The following TTF2 variants were observed in gnomAD, a reference collection of about 807,000 sequenced individuals.
TTF2 encodes RNA polymerase II termination factor.
A neutral mutation model predicts 142.4 loss-of-function variants in TTF2; 108 were observed. That is an observed-to-expected ratio of 0.76 (90% CI 0.65 to 0.89). The LOEUF is 0.89. Among genes scored for constraint, TTF2 ranks in the 40% least tolerant of loss-of-function variants. TTF2 has a pLI of 0.00. For synonymous variants in TTF2, 483 were observed against 506.2 expected (o/e 0.95, Z 0.61); for missense variants, 1,327 against 1,379.8 (o/e 0.96, Z 0.61).
At position 117,079,498 on chromosome 1, in the gene TTF2, C is replaced by T. The variant is rs766875975; in HGVS notation, c.1702-70C>T. 1.1e-4 allele frequency: 150 copies of T among 1,424,936 alleles called. No homozygotes were observed. The highest frequency in any genetic ancestry group is 1.5e-4 in the Admixed American group (9 of 59,494). The allele number at this position is 1,424,936 out of a possible 1,614,324, so 88.3% of individuals were successfully genotyped here. A position where few individuals can be genotyped will look rare whatever the true frequency, so the allele number is the denominator to read the frequency against. ...GTAGAAAATAGGAGAGTGTAGAGTT[C>T]GTGTAGCCAGGCTCGGCATAGCCTC... On this transcript the variant is annotated intron_variant, in intron 8 of 22. Coordinates refer to ENST00000369466, the MANE Select transcript of TTF2 (RefSeq NM_003594.4). This position sits in a 1 kb window ranked among gnomAD's most constrained non-coding sequence, Gnocchi z 4.2.
rs940789419 is a variant in TTF2, at chr1:117,073,020, G to A, written c.219-641G>A. ...TTGTTTAAATCAGGATCCAAATAAG[G>A]TTCACAAATTGGAATTGATTAATAT... On this transcript the variant is annotated intron_variant, in intron 3 of 22. Transcript: ENST00000369466. This position sits in a 1 kb window ranked among gnomAD's most constrained non-coding sequence, Gnocchi z 4.4. 3.9e-5 allele frequency among the ~76,000 whole-genome samples: 6 copies of A among 152,132 alleles called. No individual in the cohort carries two copies. Among genetic ancestry groups the A allele is most frequent in the Non-Finnish European group, 8.8e-5 (6 of 68,004 alleles).
chr1:117,069,083 T>C (rs965176406), intron 3 of TTF2, among the ~76,000 whole-genome samples: 14 of 152,254 alleles, frequency 9.2e-5, no homozygotes, highest in Admixed American at 2.6e-4. Flanking sequence ...ATCTGTTTTT[T>C]TTCCTAGAAC....
At chr1:117,062,361 G>T in intron 2 of TTF2, 26 bp from the exon 3 acceptor site, 1 of 1,606,076 alleles carries the variant, frequency 6.2e-7, no homozygotes, top group Non-Finnish European at 8.5e-7. Flanking sequence ...ACCTAAAAAT[G>T]TTTTCAACTT....
In TTF2 at chr1:117,075,365, C is replaced by A. The variant is rs200709421; in HGVS notation, c.781C>A (p.Leu261Ile). 2.5e-5 allele frequency: 41 copies of A among 1,614,082 alleles called. No individual in the cohort carries two copies. The highest frequency in any genetic ancestry group is 6.7e-5 in the Admixed American group (4 of 60,008). The change falls in exon 5 of 23, where the codon CTT becomes ATT. Residue 261 changes from leucine to isoleucine, a missense_variant. Physicochemically the swap from Leu to Ile is conservative, Grantham distance 5. Coordinates refer to ENST00000369466, the MANE Select transcript of TTF2 (RefSeq NM_003594.4). This position sits in a 1 kb window ranked among gnomAD's most constrained non-coding sequence, Gnocchi z 4.5. The stretch of plus-strand genomic sequence containing the variant: ...ACCTCTGAGAGAAAAGGTTACCCAG[C>A]TTTTGCCTCAAAATGTTCACAGTCA... Reference protein sequence around the residue: ...SEPLREKVTQLLPQNVHSHNS... With the variant: ...SEPLREKVTQILPQNVHSHNS...
At chr1:117,083,456 CTTAATT>C (rs1647715643) in intron 10 of TTF2, among the ~76,000 whole-genome samples, 1 of 152,094 alleles carries the variant, frequency 6.6e-6, no homozygotes, top group African/African-American at 2.4e-5. Flanking sequence ...GGTTTCTGTA[CTTAATT>C]TTAAGGTAGA....
At position 117,084,091 on chromosome 1, in the gene TTF2, G is replaced by A; in HGVS notation, c.1977G>A (p.Glu659=). 6.2e-7 allele frequency: 1 copy of A among 1,614,172 alleles called. No homozygotes were observed. The change falls in exon 11 of 23, where the codon GAG becomes GAA. Residue 659 remains glutamate, a synonymous_variant. Coordinates refer to ENST00000369466, the MANE Select transcript of TTF2 (RefSeq NM_003594.4). Reference sequence around the variant, plus strand: ...CCCTGATCCATCATTGGAAAAATGAGGTGGAGAAACGGGTGAACAGCAACA... The same window carrying A: ...CCCTGATCCATCATTGGAAAAATGAAGTGGAGAAACGGGTGAACAGCAACA... The part of the protein sequence containing the change: ...PASLIHHWKN[E]VEKRVNSNKL...
intron 3 of TTF2, among the ~76,000 whole-genome samples, chr1:117,072,692 G>C (rs1656694892): frequency 6.6e-6 from 1 of 151,908 alleles, no homozygotes; most frequent in Admixed American, 6.6e-5. Context: ...CGAAGTGCTG[G>C]GATTACAGGT....
In TTF2 at chr1:117,075,330, G is replaced by T; in HGVS notation, c.746G>T (p.Arg249Ile). ...KSSGKSQDVQ[R>I]ESEPLREKVT... ...AGTGGTAAGAGTCAAGATGTCCAAA[G>T]AGAATCAGAACCTCTGAGAGAAAAG... Residue 249 changes from arginine (R) to isoleucine (I), a missense_variant, in exon 5 of 23, where the codon AGA (arginine) becomes ATA (isoleucine). Coordinates refer to ENST00000369466, the MANE Select transcript of TTF2 (RefSeq NM_003594.4). The surrounding 1 kb of genome is among the most constrained non-coding windows in gnomAD (Gnocchi z 4.5). The T allele has an allele frequency of 6.2e-7, 1 of 1,614,180 alleles. No homozygotes were observed. The highest frequency in any genetic ancestry group is 8.5e-7 in the Non-Finnish European group (1 of 1,180,036).
intron 13 of TTF2, 69 bp from the exon 14 acceptor site, chr1:117,089,986 T>C (rs896831260): frequency 6.6e-6 from 10 of 1,514,210 alleles, no homozygotes; most frequent in Admixed American, 4.2e-5. Flanking sequence ...ATATCTTACT[T>C]TGAACCTTTA....
chr1:117,095,210 C>A, intron 18 of TTF2, 99 bp from the exon 19 acceptor site: 2 of 1,108,852 alleles, frequency 1.8e-6, no homozygotes. Flanking sequence ...GAGGCCAGAG[C>A]ACAGACGCCA....
intron 16 of TTF2, 70 bp from the exon 17 acceptor site, chr1:117,091,747 G>T: frequency 6.4e-7 from 1 of 1,556,818 alleles, no homozygotes. Flanking sequence ...GCCCCATGTA[G>T]TTCCTGGCTC....
At chr1:117,098,023 T>C (rs952906482) in intron 21 of TTF2, among the ~76,000 whole-genome samples, 4 of 152,206 alleles carry the variant, frequency 2.6e-5, no homozygotes, top group African/African-American at 4.8e-5. Flanking sequence ...TTTCCAGTTA[T>C]GCCAATCAAG....
At position 117,080,415 on chromosome 1, in the gene TTF2, G is replaced by A. The variant is rs549288773; in HGVS notation, c.1783+766G>A. Among the ~76,000 whole-genome samples, 1 of 152,266 alleles carries A rather than the reference G, an allele frequency of 6.6e-6. No homozygotes were observed. Among genetic ancestry groups the A allele is most frequent in the South Asian group, 2.1e-4 (1 of 4,818 alleles). Reference sequence around the variant, plus strand: ...GTTGTTTCTATAGCCACTGTTTCCTGCAGAAAGGATTTCATAGGGAGTCTC... The same window carrying A: ...GTTGTTTCTATAGCCACTGTTTCCTACAGAAAGGATTTCATAGGGAGTCTC... On this transcript the variant is annotated intron_variant, in intron 9 of 22. Coordinates refer to ENST00000369466, the MANE Select transcript of TTF2 (RefSeq NM_003594.4). The surrounding 1 kb of genome is among the most constrained non-coding windows in gnomAD (Gnocchi z 4.3).
chr1:117,094,498 G>A (rs1391509341), intron 18 of TTF2: 8 of 428,862 alleles, frequency 1.9e-5, no homozygotes, highest in South Asian at 1.4e-4. Context: ...GGACTCAAGT[G>A]CACCCTAAGG....
rs2101228928 is a variant in TTF2, at chr1:117,097,855, A to G, written c.3269+422A>G. Among the ~76,000 whole-genome samples the G allele has an allele frequency of 6.6e-6, 1 of 152,340 alleles. No individual in the cohort carries two copies. The highest frequency in any genetic ancestry group is 2.1e-4 in the South Asian group (1 of 4,826). ...TACTCCAAAAAGAAAAGGAATAGGGATTTTCTAATTATGTTAGAAATACAC... is the reference window on the plus strand; with the variant it reads ...TACTCCAAAAAGAAAAGGAATAGGGGTTTTCTAATTATGTTAGAAATACAC... On this transcript the variant is annotated intron_variant, in intron 21 of 22. Transcript: ENST00000369466. The surrounding 1 kb of genome is among the most constrained non-coding windows in gnomAD (Gnocchi z 4.1).
rs900229885 is a variant in TTF2, at chr1:117,063,223, G to A, written c.218+750G>A. ...CCACCTACAATTTTTATATACCTGA[G>A]TACTGTTCATACTTCTATTTTTCTT... On this transcript the variant is annotated intron_variant, in intron 3 of 22. Transcript: ENST00000369466. The surrounding 1 kb of genome is among the most constrained non-coding windows in gnomAD (Gnocchi z 4.1). 6.6e-6 allele frequency among the ~76,000 whole-genome samples: 1 copy of A among 152,064 alleles called. No homozygotes were observed. The highest frequency in any genetic ancestry group is 1.5e-5 in the Non-Finnish European group (1 of 68,004).
At position 117,090,171 on chromosome 1, in the gene TTF2, G is replaced by A; in HGVS notation, c.2459G>A (p.Arg820Lys). 1.2e-6 allele frequency: 2 copies of A among 1,614,104 alleles called. No individual in the cohort carries two copies. Among genetic ancestry groups the A allele is most frequent in the Non-Finnish European group, 1.7e-6 (2 of 1,179,992 alleles). The change falls in exon 14 of 23, where the codon AGA becomes AAA. Residue 820 changes from arginine (R) to lysine (K), a missense_variant. Arg to Lys is a conservative substitution (Grantham distance 26). Coordinates refer to ENST00000369466, the MANE Select transcript of TTF2 (RefSeq NM_003594.4). This position sits in a 1 kb window ranked among gnomAD's most constrained non-coding sequence, Gnocchi z 4.8. The part of the protein sequence containing the change: ...SILTKSLLLR[R>K]TKDQLDSTGR... ...TTAACCAAGAGCCTTTTGCTGAGGAGAACAAAAGACCAGCTGGACTCTACT... is the reference window on the plus strand; with the variant it reads ...TTAACCAAGAGCCTTTTGCTGAGGAAAACAAAAGACCAGCTGGACTCTACT...
chr1:117,083,787 G>A (rs1425777388), intron 10 of TTF2, among the ~76,000 whole-genome samples: 4 of 152,138 alleles, frequency 2.6e-5, no homozygotes, highest in Admixed American at 2.6e-4. Context: ...AATTGAAGGA[G>A]TAAAGTCAGT....
In TTF2 at chr1:117,086,200, A is replaced by C. The variant is rs918900715; in HGVS notation, c.2055-217A>C. ...TATAGTGAGCAGACGGTAAATGATC[A>C]GAGGTAAGAGATAGGGAAACCCAAG... On this transcript the variant is annotated intron_variant, in intron 11 of 22. Transcript: ENST00000369466. The surrounding 1 kb of genome is among the most constrained non-coding windows in gnomAD (Gnocchi z 4.2). Among the ~76,000 whole-genome samples the C allele has an allele frequency of 6.6e-6, 1 of 152,076 alleles. No individual in the cohort carries two copies. Among genetic ancestry groups the C allele is most frequent in the African/African-American group, 2.4e-5 (1 of 41,398 alleles).
Sources: gnomAD v4.1 joint callset for allele counts (sites outside exome capture counted in the v4.1 genomes callset) on GRCh38, gnomAD v4.1.1 for gene constraint, Gnocchi (gnomAD v3.1) non-coding constraint, MANE v1.5 for transcripts, NCBI Gene and HGNC (gene_info 2026-07-23, HGNC 2026-07-21) for gene names.